Variants in NOTCH1 observed in about 807,000 individuals in gnomAD.
The protein encoded by NOTCH1 is notch receptor 1.
In NOTCH1, 37 loss-of-function variants were observed where a neutral mutation model predicts 254.8. The ratio of observed to expected loss-of-function variants is 0.15; its 90% CI spans 0.11 to 0.19. The LOEUF is 0.19. NOTCH1 is among the 10% of genes least tolerant of loss of function. The pLI is 1.00. For synonymous variants in NOTCH1, 1,731 were observed against 1,618.1 expected (o/e 1.07, Z -1.68); for missense variants, 2,972 against 3,708.6 (o/e 0.80, Z 5.16).
chr9:136,509,114 G>GT, intron 18 of NOTCH1, 43 bp from the exon 19 acceptor site: 1 of 1,508,610 alleles, frequency 6.6e-7, no homozygotes, highest in Non-Finnish European at 9.0e-7. Flanking sequence ...GAGGGCATTG[G>GT]TGGGTCCCCG....
intron 2 of NOTCH1, among the ~76,000 whole-genome samples, chr9:136,528,124 G>A (rs1843497721): frequency 6.6e-6 from 1 of 151,640 alleles, no homozygotes; most frequent in African/African-American, 2.4e-5. Flanking sequence ...ATGAGAAGGA[G>A]GGGTGAGAGG....
In NOTCH1 at chr9:136,498,906, T is replaced by C. The variant is rs1842955928; in HGVS notation, c.6173A>G (p.Asn2058Ser). ...LKNGANKDMQNNREETPLFLA... is the reference protein window; with the variant it reads ...LKNGANKDMQSNREETPLFLA... The stretch of plus-strand genomic sequence containing the variant: ...TCCCAGCCTCGCGCTCACCCTGTTG[T>C]TCTGCATATCTTTGTTAGCCCCGTT... The change falls in exon 33 of 34, where the codon AAC becomes AGC. Residue 2058 changes from asparagine to serine, a missense_variant. This residue lies in a region of NOTCH1 where 421 missense variants were observed against 604.4 expected (regional missense o/e 0.70). Transcript: ENST00000651671. The C allele has an allele frequency of 1.2e-6, 2 of 1,613,672 alleles. No homozygotes were observed. The highest frequency in any genetic ancestry group is 1.7e-6 in the Non-Finnish European group (2 of 1,179,978).
At chr9:136,527,113 G>C (rs1843473544) in intron 2 of NOTCH1, among the ~76,000 whole-genome samples, 1 of 152,198 alleles carries the variant, frequency 6.6e-6, no homozygotes, top group African/African-American at 2.4e-5. Flanking sequence ...GGGCAGCTTT[G>C]GGCCCAGTCT....
intron 4 of NOTCH1, among the ~76,000 whole-genome samples, chr9:136,520,311 C>T (rs1843346600): frequency 6.6e-6 from 1 of 152,164 alleles, no homozygotes; most frequent in South Asian, 2.1e-4. Context: ...ACCTGCTCGG[C>T]CCCTCCCTCT....
At chr9:136,520,689 G>C (rs1490232084) in intron 4 of NOTCH1, among the ~76,000 whole-genome samples, 2 of 151,832 alleles carry the variant, frequency 1.3e-5, no homozygotes, top group African/African-American at 2.4e-5. Flanking sequence ...AGTGAGCTGA[G>C]GGCACGTCAC....
rs937138982 is a variant in NOTCH1 at position 136,508,973 on chromosome 9, T to C, written c.3068A>G (p.Asn1023Ser). The C allele has an allele frequency of 7.7e-6, 12 of 1,556,228 alleles. No individual in the cohort carries two copies. Among genetic ancestry groups the C allele is most frequent in the Middle Eastern group, 2.0e-4 (1 of 5,104 alleles). The change falls in exon 19 of 34, where the codon AAT becomes AGT. Residue 1023 changes from asparagine to serine, a missense_variant. Around this residue, in one of 8 missense-constraint regions of NOTCH1, gnomAD observed 1,343 missense variants for 1,557.0 expected, o/e 0.86. Coordinates refer to ENST00000651671, the MANE Select transcript of NOTCH1 (RefSeq NM_017617.5). ...FTGSYCQHDV[N>S]ECDSQPCLHG... is the part of the protein sequence containing the mutation. The stretch of plus-strand genomic sequence containing the variant: ...CAGGCAGGGCTGTGAGTCGCACTCA[T>C]TGACATCGTGCTGGCAGTAGCTGCC...
At position 136,514,517 on chromosome 9, in the gene NOTCH1, G is replaced by C. The variant is rs1292975359; in HGVS notation, c.2200C>G (p.Leu734Val). 2 of 1,581,710 alleles carry C rather than the reference G, an allele frequency of 1.3e-6. No homozygotes were observed. Among genetic ancestry groups the C allele is most frequent in the African/African-American group, 2.7e-5 (2 of 74,748 alleles). The change falls in exon 13 of 34, where the codon CTC becomes GTC. Residue 734 changes from leucine (L) to valine (V), a missense_variant. Physicochemically the swap from Leu to Val is conservative, Grantham distance 32. Coordinates refer to ENST00000651671, the MANE Select transcript of NOTCH1 (RefSeq NM_017617.5). The part of the protein sequence containing the change: ...PCVHGACRDS[L>V]NGYKCDCDPG... ...ATCGGCCCCGCCGCATACCCGTTGA[G>C]GCTGTCCCGGCAGGCCCCGTGGACG...
intron 2 of NOTCH1, among the ~76,000 whole-genome samples, chr9:136,529,378 C>G (rs747477515): frequency 1.6e-4 from 24 of 152,198 alleles, no homozygotes; most frequent in Non-Finnish European, 3.2e-4. Flanking sequence ...CAGCCCCTCC[C>G]TTGGGTAGAG....
At chr9:136,519,630 C>G in intron 4 of NOTCH1, 65 bp from the exon 5 acceptor site, 1 of 1,609,276 alleles carries the variant, frequency 6.2e-7, no homozygotes. Flanking sequence ...CCTGGACCCC[C>G]GACACACTGC....
rs748646273 is a variant in NOTCH1, at chr9:136,526,845, C to CA, written c.141-2867dup. Among the ~76,000 whole-genome samples, 1,193 of 152,346 alleles carry CA rather than the reference C, an allele frequency of 7.8e-3. 14 individuals carry two copies. The highest frequency in any genetic ancestry group is 9.4e-3 in the Non-Finnish European group (640 of 68,018). ...ACAAAGGGCGGCTGGGAGCAGGTGT[C>CA]AGACGTGGCGGCAGCTGCTCCCAGC... On this transcript the variant is annotated intron_variant, in intron 2 of 33. Coordinates refer to ENST00000651671, the MANE Select transcript of NOTCH1 (RefSeq NM_017617.5).
intron 24 of NOTCH1, 46 bp from the exon 25 acceptor site, chr9:136,505,927 C>G: frequency 6.7e-7 from 1 of 1,485,150 alleles, no homozygotes; most frequent in Admixed American, 2.1e-5. Context: ...GGCCACCCCC[C>G]GCCCCCCCGC....
At chr9:136,531,056 AG>A (rs1183949349) in intron 2 of NOTCH1, among the ~76,000 whole-genome samples, 1 of 152,250 alleles carries the variant, frequency 6.6e-6, no homozygotes, top group East Asian at 1.9e-4. Context: ...CACAGCCAGC[AG>A]GGCAGTCGCC....
chr9:136,545,889 A>T lies in NOTCH1; in HGVS notation c.-103T>A, dbSNP rs1589085118. 2.0e-6 allele frequency: 1 copy of T among 494,120 alleles called. No homozygotes were observed. Among genetic ancestry groups the T allele is most frequent in the East Asian group, 6.9e-5 (1 of 14,554 alleles). The allele number at this position is 494,120 out of a possible 1,614,324, so 30.6% of individuals were successfully genotyped here. A position where few individuals can be genotyped will look rare whatever the true frequency, so the allele number is the denominator to read the frequency against. On this transcript the variant is annotated 5_prime_UTR_variant, in exon 1 of 34. Transcript: ENST00000651671. This position sits in a 1 kb window ranked among gnomAD's most constrained non-coding sequence, Gnocchi z 6.8. Reference sequence around the variant, plus strand: ...GCGTACGGTCCCGGGGCGGCGGCGGACGGTCCCGCCCTCTCTTCCCCGGCT... The same window carrying T: ...GCGTACGGTCCCGGGGCGGCGGCGGTCGGTCCCGCCCTCTCTTCCCCGGCT...
chr9:136,503,462 T>C lies in NOTCH1; in HGVS notation c.5019-132A>G, dbSNP rs369370055. 1,722 of 1,375,616 alleles carry C rather than the reference T, an allele frequency of 1.3e-3. 14 individuals are homozygous for C. The African/African-American group carries it at 0.022, about 17-fold the overall frequency. 85.2% of individuals were successfully genotyped at this position (1,375,616 alleles called of 1,614,324 possible). A position where few individuals can be genotyped will look rare whatever the true frequency, so the allele number is the denominator to read the frequency against. On this transcript the variant is annotated intron_variant, in intron 26 of 33. Transcript: ENST00000651671. Reference sequence around the variant, plus strand: ...GACATGGTGAGGCAGCCTGGGGTGGTGGGAAGCCAGGTCTGACAGCAGCTA... The same window carrying C: ...GACATGGTGAGGCAGCCTGGGGTGGCGGGAAGCCAGGTCTGACAGCAGCTA...
Position 136,506,025 on chromosome 9 carries a change from C to A in NOTCH1, c.4015-144G>T. On this transcript the variant is annotated intron_variant, in intron 24 of 33. Coordinates refer to ENST00000651671, the MANE Select transcript of NOTCH1 (RefSeq NM_017617.5). The surrounding 1 kb of genome is among the most constrained non-coding windows in gnomAD (Gnocchi z 4.5). ...GCAACCTTGCCCCCAGCAGCAAAAC[C>A]CTTTACACACATTCTACCAACAGAG... 1 of 689,560 alleles carries A rather than the reference C, an allele frequency of 1.5e-6. No individual in the cohort carries two copies. The highest frequency in any genetic ancestry group is 2.4e-6 in the Non-Finnish European group (1 of 416,572). 42.7% of individuals were successfully genotyped at this position (689,560 alleles called of 1,614,324 possible).
chr9:136,507,867 T>A (rs953981012), intron 21 of NOTCH1, 88 bp downstream of exon 21: 2 of 1,411,952 alleles, frequency 1.4e-6, no homozygotes, highest in South Asian at 2.3e-5. Flanking sequence ...CAGGTTCAGT[T>A]TTCTCCACTG....
In NOTCH1 at chr9:136,511,158, A is replaced by T. The variant is rs2133354416; in HGVS notation, c.2581T>A (p.Trp861Arg). ...ESFSCVCPTG[W>R]QGQTCEVDIN... ...GGGCCCTGGCCAGCCTCACCTTGCC[A>T]GCCCGTGGGGCAGACACAGGAGAAG... Residue 861 changes from tryptophan to arginine, a missense_variant, in exon 16 of 34, where the codon TGG (tryptophan) becomes AGG (arginine). Transcript: ENST00000651671. The T allele has an allele frequency of 6.2e-7, 1 of 1,612,844 alleles. No homozygotes were observed. Among genetic ancestry groups the T allele is most frequent in the East Asian group, 2.2e-5 (1 of 44,862 alleles).
In NOTCH1 at chr9:136,511,216, G is replaced by T. The variant is rs779908981; in HGVS notation, c.2523C>A (p.Gly841=). The T allele has an allele frequency of 1.2e-6, 2 of 1,612,232 alleles. No individual in the cohort carries two copies. Among genetic ancestry groups the T allele is most frequent in the Non-Finnish European group, 1.7e-6 (2 of 1,179,478 alleles). Residue 841 remains glycine, a synonymous_variant, in exon 16 of 34, where the codon GGC becomes GGA. Transcript: ENST00000651671. ...APCAPSPCRN[G]GECRQSEDYE... ...AGTCCTCGGATTGCCTGCACTCCCCGCCGTTTCTGCAGGGGCTGGGGGCAC... is the reference window on the plus strand; with the variant it reads ...AGTCCTCGGATTGCCTGCACTCCCCTCCGTTTCTGCAGGGGCTGGGGGCAC...
chr9:136,543,789 T>C lies in NOTCH1; in HGVS notation c.140+235A>G, dbSNP rs554573358. Reference sequence around the variant, plus strand: ...CACTTAGTGACCCCGGAGCCTGAGGTGGCCCACGGAGGAGTGCCCAAGCCC... The same window carrying C: ...CACTTAGTGACCCCGGAGCCTGAGGCGGCCCACGGAGGAGTGCCCAAGCCC... On this transcript the variant is annotated intron_variant, in intron 2 of 33. Coordinates refer to ENST00000651671, the MANE Select transcript of NOTCH1 (RefSeq NM_017617.5). The C allele has an allele frequency of 9.8e-6, 6 of 614,666 alleles. No individual in the cohort carries two copies. The East Asian group carries it at 1.1e-4, about 11-fold the overall frequency. The allele number at this position is 614,666 out of a possible 1,614,324, so 38.1% of individuals were successfully genotyped here.
Sources: gnomAD v4.1 joint callset for allele counts (sites outside exome capture counted in the v4.1 genomes callset) on GRCh38, gnomAD v4.1.1 for gene constraint, gnomAD v4.1.1 regional missense constraint, Gnocchi (gnomAD v3.1) non-coding constraint, MANE v1.5 for transcripts, NCBI Gene and HGNC (gene_info 2026-07-23, HGNC 2026-07-21) for gene names.